Variants in PRUNE2 observed in about 807,000 individuals in gnomAD.
PRUNE2 encodes the protein protein prune homolog 2.
In PRUNE2, 164 loss-of-function variants were observed where a neutral mutation model predicts 252.0. The ratio of observed to expected loss-of-function variants is 0.65; its 90% CI spans 0.57 to 0.74. PRUNE2 has a LOEUF of 0.74. Among genes scored for constraint, PRUNE2 ranks in the 30% least tolerant of loss-of-function variants. The probability of loss-of-function intolerance (pLI) is 0.00; values close to 1 mark genes in which losing one functional copy is unlikely to be tolerated. For missense variants in PRUNE2, 3,495 were observed against 3,711.0 expected (o/e 0.94, Z 1.51); for synonymous variants, 1,292 against 1,350.2 (o/e 0.96, Z 0.94).
At chr9:76,712,637 G>A (rs1272762127) in intron 7 of PRUNE2, among the ~76,000 whole-genome samples, 10 of 152,206 alleles carry the variant, frequency 6.6e-5, no homozygotes, top group African/African-American at 1.2e-4. Flanking sequence ...TGTGAAAGCC[G>A]CCATGTTGTA....
At position 76,711,155 on chromosome 9, in the gene PRUNE2, T is replaced by A. The variant is rs1261919505; in HGVS notation, c.1119A>T (p.Ala373=). 2.5e-6 allele frequency: 4 copies of A among 1,613,974 alleles called. No individual in the cohort carries two copies. Among genetic ancestry groups the A allele is most frequent in the Non-Finnish European group, 3.4e-6 (4 of 1,179,872 alleles). The change falls in exon 8 of 19, where the codon GCA becomes GCT. Residue 373 remains alanine, a synonymous_variant. Transcript: ENST00000376718. Reference sequence around the variant, plus strand: ...ACCCCTGGGAGAGGGGGGCACTGCCTGCCACGGCTTCTGTTGAGGATGTCC... The same window carrying A: ...ACCCCTGGGAGAGGGGGGCACTGCCAGCCACGGCTTCTGTTGAGGATGTCC... The part of the protein sequence containing the change: ...NSRTSSTEAV[A]GSAPLSQGSS...
intron 6 of PRUNE2, chr9:76,784,120 CT>C: frequency 6.6e-6 from 1 of 152,232 alleles, no homozygotes; most frequent in Non-Finnish European, 1.5e-5. Flanking sequence ...TCACAGATCC[CT>C]GGGAGAAATG....
chr9:76,617,000 A>AT (rs1269864002), intron 18 of PRUNE2, among the ~76,000 whole-genome samples: 7 of 152,020 alleles, frequency 4.6e-5, no homozygotes, highest in African/African-American at 1.7e-4. Context: ...AAATAAATAA[A>AT]AGTATCCTTT....
rs766482073 is a variant in PRUNE2 at position 76,705,110 on chromosome 9, C to T, written c.7164G>A (p.Ser2388=). 44 of 1,613,864 alleles carry T rather than the reference C, an allele frequency of 2.7e-5. No individual in the cohort carries two copies. Among genetic ancestry groups the T allele is most frequent in the Non-Finnish European group, 3.4e-5 (40 of 1,179,898 alleles). Residue 2388 remains serine (S), a synonymous_variant, in exon 8 of 19, where the codon TCG becomes TCA. Transcript: ENST00000376718. ...CAAAGGGAGGTGTGTACGGTGCCAG[C>T]GACTGCTTCAGAGAATCTTCCTCCA... ...PPLEEDSLKQ[S]LAPYTPPFDL...
chr9:76,732,097 G>A (rs141820295), intron 6 of PRUNE2, among the ~76,000 whole-genome samples: 1,869 of 152,200 alleles, frequency 0.012, 32 homozygotes, highest in African/African-American at 0.043. Flanking sequence ...GGTGGATCAC[G>A]AGGTCAGGAG....
rs1007779532 is a variant in PRUNE2 at position 76,709,262 on chromosome 9, C to T, written c.3012G>A (p.Thr1004=). ...GAGGAGGAATGTCAGTCTCCTCTGC[C>T]GTGGAGTTACCATCTTTTGACTCAA... The part of the protein sequence containing the change: ...EGFESKDGNS[T]AEETDIPPQS... The change falls in exon 8 of 19, where the codon ACG becomes ACA. Residue 1004 remains threonine, a synonymous_variant. Coordinates refer to ENST00000376718, the MANE Select transcript of PRUNE2 (RefSeq NM_015225.3). The T allele has an allele frequency of 2.6e-5, 42 of 1,612,498 alleles. No homozygotes were observed. The highest frequency in any genetic ancestry group is 3.2e-5 in the Non-Finnish European group (38 of 1,179,488).
intron 1 of PRUNE2, among the ~76,000 whole-genome samples, chr9:76,886,948 C>G (rs1007684419): frequency 3.3e-5 from 5 of 152,172 alleles, no homozygotes; most frequent in African/African-American, 1.2e-4. Context: ...TCATCCTCAT[C>G]ATTAGAGCAC....
intron 6 of PRUNE2, among the ~76,000 whole-genome samples, chr9:76,809,319 A>C (rs1342907248): frequency 1.3e-5 from 2 of 152,124 alleles, no homozygotes; most frequent in Non-Finnish European, 2.9e-5. Context: ...CTACTCAATA[A>C]TTTTTTTATT....
intron 18 of PRUNE2, chr9:76,614,984 G>A: frequency 2.0e-6 from 1 of 494,102 alleles, no homozygotes; most frequent in Non-Finnish European, 2.7e-6. Flanking sequence ...CAAATGTTCT[G>A]CCTCAAGTAA....
intron 6 of PRUNE2, among the ~76,000 whole-genome samples, chr9:76,730,237 T>C (rs553469329): frequency 6.6e-6 from 1 of 152,326 alleles, no homozygotes; most frequent in East Asian, 1.9e-4. Flanking sequence ...TCGATGAGTA[T>C]ACGTTACAGG....
At chr9:76,677,831 C>A (rs1051033063) in intron 9 of PRUNE2, among the ~76,000 whole-genome samples, 2 of 152,144 alleles carry the variant, frequency 1.3e-5, no homozygotes, top group Non-Finnish European at 2.9e-5. Context: ...TCCCCGAGGT[C>A]AGCATATGAG....
intron 17 of PRUNE2, among the ~76,000 whole-genome samples, chr9:76,620,498 G>A (rs908954332): frequency 1.3e-5 from 2 of 152,082 alleles, no homozygotes; most frequent in African/African-American, 2.4e-5. Flanking sequence ...GAGCTTCTAT[G>A]ATCCTTTTTA....
In PRUNE2 at chr9:76,879,220, CAG is replaced by C. The variant is rs572132549; in HGVS notation, c.37-25014_37-25013del. 2.1e-4 allele frequency among the ~76,000 whole-genome samples: 32 copies of C among 152,226 alleles called. No individual in the cohort carries two copies. In the Middle Eastern group the frequency reaches 0.021, roughly 98 times the overall value. ...GTGTATGTGGTCTGTATGAGAGAGACAGAGAAAGAAAACAGACAGAAAGAGAT... is the reference window on the plus strand; with the variant it reads ...GTGTATGTGGTCTGTATGAGAGAGACAGAAAGAAAACAGACAGAAAGAGAT... On this transcript the variant is annotated intron_variant, in intron 1 of 18. Transcript: ENST00000376718.
intron 6 of PRUNE2, among the ~76,000 whole-genome samples, chr9:76,806,508 C>CTT (rs536359235): frequency 0.049 from 6,396 of 131,100 alleles, 213 homozygotes; most frequent in African/African-American, 0.08. Context: ...AGGCACCATT[C>CTT]TTTTTTTTTT....
intron 6 of PRUNE2, among the ~76,000 whole-genome samples, chr9:76,741,150 G>A (rs2049584819): frequency 6.6e-6 from 1 of 152,154 alleles, no homozygotes; most frequent in African/African-American, 2.4e-5. Context: ...GCACTGTGGT[G>A]TAAGTAGTAC....
intron 3 of PRUNE2, among the ~76,000 whole-genome samples, chr9:76,847,292 C>G (rs2059719374): frequency 6.6e-6 from 1 of 150,484 alleles, no homozygotes; most frequent in African/African-American, 2.5e-5. Flanking sequence ...TGCCACTGCA[C>G]TCCAGCCTGG....
chr9:76,709,049 G>A lies in PRUNE2; in HGVS notation c.3225C>T (p.Ser1075=). Residue 1075 remains serine, a synonymous_variant, in exon 8 of 19, where the codon AGC becomes AGT. Coordinates refer to ENST00000376718, the MANE Select transcript of PRUNE2 (RefSeq NM_015225.3). The part of the protein sequence containing the change: ...ISMEDDVGES[S]QSSYDDPSMM... ...TGCTGGGGTCGTCGTAACTGGACTG[G>A]CTGCTTTCCCCGACGTCATCCTCCA... The A allele has an allele frequency of 6.2e-7, 1 of 1,613,940 alleles. No individual in the cohort carries two copies. Among genetic ancestry groups the A allele is most frequent in the Non-Finnish European group, 8.5e-7 (1 of 1,179,886 alleles).
intron 6 of PRUNE2, chr9:76,786,298 A>G (rs2054972350): frequency 6.6e-6 from 1 of 152,200 alleles, no homozygotes; most frequent in Non-Finnish European, 1.5e-5. Flanking sequence ...AAGAACTCTG[A>G]GTGATATCAA....
chr9:76,697,673 G>A (rs750910776), intron 9 of PRUNE2, among the ~76,000 whole-genome samples: 18 of 152,218 alleles, frequency 1.2e-4, no homozygotes, highest in Non-Finnish European at 2.2e-4. Context: ...AGCAGCTCAA[G>A]AGAAATGCTT....
Sources: allele counts gnomAD v4.1 joint callset (sites outside exome capture counted in the v4.1 genomes callset), GRCh38; gene constraint gnomAD v4.1.1; transcripts MANE v1.5; gene names NCBI Gene and HGNC (gene_info 2026-07-23, HGNC 2026-07-21).